MYO5B: variants seen among roughly 807,000 people sequenced by gnomAD.
MYO5B encodes the protein unconventional myosin-Vb.
A neutral mutation model predicts 229.3 loss-of-function variants in MYO5B; 143 were observed. The ratio of observed to expected loss-of-function variants is 0.62; its 90% confidence interval spans 0.54 to 0.72. MYO5B has a LOEUF of 0.72. Among genes scored for constraint, MYO5B ranks in the 30% least tolerant of loss-of-function variants. MYO5B has a pLI of 0.00. For synonymous variants in MYO5B, 918 were observed against 885.2 expected, an observed-to-expected ratio of 1.04 and a Z score of -0.66; for missense variants, 2,321 against 2,331.0, an observed-to-expected ratio of 1.00 and a Z score of 0.09.
chr18:50,167,159 T>C (rs969756102), intron 1 of MYO5B, among the ~76,000 whole-genome samples: 2 of 152,220 alleles, frequency 1.3e-5, no homozygotes, highest in African/African-American at 2.4e-5. Flanking sequence ...GACAAAAGAA[T>C]CTTACATCTT....
chr18:49,906,771 G>C (rs1289722663), intron 18 of MYO5B, 141 bp from the exon 19 acceptor site: 1 of 767,694 alleles, frequency 1.3e-6, no homozygotes, highest in African/African-American at 1.7e-5. Context: ...CAAAGTCTCA[G>C]CATTTGCTTA....
intron 4 of MYO5B, among the ~76,000 whole-genome samples, chr18:50,017,480 T>C (rs1001125156): frequency 2.0e-5 from 3 of 152,210 alleles, no homozygotes; most frequent in Non-Finnish European, 2.9e-5. Flanking sequence ...CCATACTTCA[T>C]TCGTTTTTAT....
chr18:49,853,169 G>T (rs1409905524), intron 31 of MYO5B, among the ~76,000 whole-genome samples: 1 of 152,216 alleles, frequency 6.6e-6, no homozygotes, highest in East Asian at 1.9e-4. Context: ...CATCCTCTTG[G>T]AAGCCAGCAG....
intron 1 of MYO5B, among the ~76,000 whole-genome samples, chr18:50,071,451 C>T (rs759810250): frequency 3.9e-5 from 6 of 152,170 alleles, no homozygotes; most frequent in African/African-American, 7.2e-5. Context: ...AATGGACGGA[C>T]GCGTGCACAC....
In MYO5B at chr18:50,194,951, C is replaced by A; in HGVS notation, c.-158G>T. The A allele has an allele frequency of 9.2e-7, 1 of 1,085,494 alleles. No individual in the cohort carries two copies. The allele number at this position is 1,085,494 out of a possible 1,614,324, so 67.2% of individuals were successfully genotyped here. A position where few individuals can be genotyped will look rare whatever the true frequency, so the allele number is the denominator to read the frequency against. Reference sequence around the variant, plus strand: ...CCCCGCCGGCTTCCCGCAGGCGCCGCGGCCGGCTCGCTCCCGGCGGCGCGA... The same window carrying A: ...CCCCGCCGGCTTCCCGCAGGCGCCGAGGCCGGCTCGCTCCCGGCGGCGCGA... On this transcript the variant is annotated 5_prime_UTR_variant, in exon 1 of 40. Transcript: ENST00000285039.
In MYO5B at chr18:49,863,285, T is replaced by C. The variant is rs2043911310; in HGVS notation, c.3886A>G (p.Lys1296Glu). Residue 1296 changes from lysine to glutamate, a missense_variant, in exon 29 of 40, where the codon AAG becomes GAG. Lys to Glu is a moderately conservative substitution (Grantham distance 56, BLOSUM62 1). Around this residue, in one of 2 missense-constraint regions of MYO5B, gnomAD observed 2,113 missense variants for 2,044.7 expected, o/e 1.03. Coordinates refer to ENST00000285039, the MANE Select transcript of MYO5B (RefSeq NM_001080467.3). Reference protein sequence around the residue: ...NARSSWPNSEKHVDQEDAIEA... With the variant: ...NARSSWPNSEEHVDQEDAIEA... ...ATGGCATCCTCCTGGTCAACATGCT[T>C]TTCACTGTTAGGCCAACTTGATCTG... The C allele has an allele frequency of 6.2e-7, 1 of 1,613,746 alleles. No homozygotes were observed. Among genetic ancestry groups the C allele is most frequent in the Non-Finnish European group, 8.5e-7 (1 of 1,180,016 alleles).
intron 1 of MYO5B, among the ~76,000 whole-genome samples, chr18:50,077,270 G>A (rs189980741): frequency 8.2e-4 from 123 of 150,222 alleles, no homozygotes; most frequent in Middle Eastern, 7.1e-3. Context: ...CCTAACGTCT[G>A]CTCTATGCGT....
intron 2 of MYO5B, among the ~76,000 whole-genome samples, chr18:50,050,764 G>C (rs1291763825): frequency 6.6e-6 from 1 of 152,214 alleles, no homozygotes; most frequent in Non-Finnish European, 1.5e-5. Context: ...GCCAGCACTG[G>C]AGAAATGATG....
At chr18:50,057,688 C>T (rs1414649463) in intron 1 of MYO5B, among the ~76,000 whole-genome samples, 1 of 152,186 alleles carries the variant, frequency 6.6e-6, no homozygotes, top group African/African-American at 2.4e-5. Flanking sequence ...ACCTGGTAGG[C>T]ATACAATTGG....
chr18:49,824,203 A>T lies in MYO5B; in HGVS notation c.*2268T>A, dbSNP rs2023811209. Reference sequence around the variant, plus strand: ...AAAAGATTATATAGTTCCCCTAAAGATGCTTCTTCTAGCCTCCAAGTATTA... The same window carrying T: ...AAAAGATTATATAGTTCCCCTAAAGTTGCTTCTTCTAGCCTCCAAGTATTA... On this transcript the variant is annotated 3_prime_UTR_variant, in exon 40 of 40. Transcript: ENST00000285039. 1 of 152,308 alleles carries T rather than the reference A, an allele frequency of 6.6e-6. No individual in the cohort carries two copies. Among genetic ancestry groups the T allele is most frequent in the South Asian group, 2.1e-4 (1 of 4,838 alleles). 9.4% of individuals were successfully genotyped at this position (152,308 alleles called of 1,614,324 possible).
intron 1 of MYO5B, among the ~76,000 whole-genome samples, chr18:50,072,848 C>A (rs1466011972): frequency 6.6e-6 from 1 of 151,556 alleles, no homozygotes; most frequent in Non-Finnish European, 1.5e-5. Context: ...GGAGGAAGTC[C>A]CAGAAGAGAA....
chr18:50,171,989 G>T lies in MYO5B; in HGVS notation c.27+22778C>A, dbSNP rs1167079203. On this transcript the variant is annotated intron_variant, in intron 1 of 39. Transcript: ENST00000285039. ...ATTCTTAAGAGGATTAAACCAGAAT[G>T]GCTGTTCAGAGTCTGTGGAATCAGC... Among the ~76,000 whole-genome samples, 7 of 150,710 alleles carry T rather than the reference G, an allele frequency of 4.6e-5. 1 individual carries two copies. The highest frequency in any genetic ancestry group is 1.7e-4 in the African/African-American group (7 of 40,912).
At chr18:50,046,863 T>G (rs1412457210) in intron 2 of MYO5B, among the ~76,000 whole-genome samples, 2 of 152,098 alleles carry the variant, frequency 1.3e-5, no homozygotes, top group Non-Finnish European at 2.9e-5. Flanking sequence ...TAATAAATGG[T>G]GCTGGGAAAA....
In MYO5B at chr18:49,962,072, G is replaced by A. The variant is rs568435541; in HGVS notation, c.1545+194C>T. Among the ~76,000 whole-genome samples, 20 of 152,242 alleles carry A rather than the reference G, an allele frequency of 1.3e-4. No individual in the cohort carries two copies. The highest frequency in any genetic ancestry group is 3.9e-4 in the African/African-American group (16 of 41,542). On this transcript the variant is annotated intron_variant, in intron 12 of 39. Transcript: ENST00000285039. Reference sequence around the variant, plus strand: ...TACGTTTACCAGTGTAGCAACACCTGCCAGTCACTTTAAACATGTTGCCTT... The same window carrying A: ...TACGTTTACCAGTGTAGCAACACCTACCAGTCACTTTAAACATGTTGCCTT...
chr18:50,131,055 G>A (rs2032246844), intron 1 of MYO5B, among the ~76,000 whole-genome samples: 1 of 152,160 alleles, frequency 6.6e-6, no homozygotes. Flanking sequence ...TACAACTGAT[G>A]AACAGGAATC....
intron 14 of MYO5B, among the ~76,000 whole-genome samples, chr18:49,941,710 C>A (rs1332033062): frequency 3.3e-5 from 5 of 152,056 alleles, no homozygotes; most frequent in Admixed American, 3.3e-4. Context: ...ATTCCATGCT[C>A]ATGGGTAGGA....
chr18:49,902,516 C>A, intron 21 of MYO5B, 78 bp downstream of exon 21: 1 of 1,590,746 alleles, frequency 6.3e-7, no homozygotes, highest in Non-Finnish European at 8.5e-7. Flanking sequence ...TGCAGTTCCT[C>A]AAGGAAGCTG....
chr18:50,052,705 T>TAAA (rs35059232), intron 2 of MYO5B, among the ~76,000 whole-genome samples: 3,065 of 142,626 alleles, frequency 0.021, 46 homozygotes, highest in South Asian at 0.045. Flanking sequence ...TAAAGTATAA[T>TAAA]AAAAAAAAAA....
At chr18:50,077,370 ACTC>A (rs2031108513) in intron 1 of MYO5B, among the ~76,000 whole-genome samples, 1 of 151,964 alleles carries the variant, frequency 6.6e-6, no homozygotes, top group Non-Finnish European at 1.5e-5. Flanking sequence ...TTAGATTACA[ACTC>A]GGAAGTCCCT....
Sources: allele counts gnomAD v4.1 joint callset (sites outside exome capture counted in the v4.1 genomes callset), GRCh38; gene constraint gnomAD v4.1.1; regional missense constraint gnomAD v4.1.1; transcripts MANE v1.5; gene names NCBI Gene and HGNC (gene_info 2026-07-23, HGNC 2026-07-21).